Variants in THEMIS observed in about 807,000 individuals in gnomAD.
THEMIS encodes protein THEMIS.
THEMIS carries 37 observed loss-of-function variants against 52.6 expected under a neutral mutation model. The observed-to-expected ratio is 0.70, with a 90% CI of 0.54 to 0.93. The LOEUF is 0.93. THEMIS is among the 40% of genes least tolerant of loss of function. THEMIS has a pLI of 0.00. For missense variants in THEMIS, 808 were observed against 763.1 expected (o/e 1.06, Z -0.69); for synonymous variants, 292 against 272.7 (o/e 1.07, Z -0.70).
upstream of THEMIS, among the ~76,000 whole-genome samples, chr6:127,903,877 A>G (rs529092092): frequency 6.6e-6 from 1 of 152,184 alleles, no homozygotes; most frequent in South Asian, 2.1e-4. Context: ...TTTCTACCAA[A>G]GGCACCTAGA....
intron 4 of THEMIS, among the ~76,000 whole-genome samples, chr6:127,737,393 C>T (rs1562224943): frequency 6.6e-6 from 1 of 152,156 alleles, no homozygotes; most frequent in Non-Finnish European, 1.5e-5. Context: ...GGCACCTTTT[C>T]TTGATGCTCA....
In THEMIS at chr6:127,813,694, G is replaced by A. The variant is rs761759654; in HGVS notation, c.947C>T (p.Ser316Leu). ...TIVIHKKYQA[S>L]RILASEIRSN... is the part of the protein sequence containing the mutation. The stretch of plus-strand genomic sequence containing the variant: ...TCTAATTTCTGAAGCTAAGATTCTT[G>A]ATGCCTGGTACTTTTTGTGGATCAC... The change falls in exon 4 of 6, where the codon TCA becomes TTA. Residue 316 changes from serine to leucine, a missense_variant. Physicochemically the swap from Ser to Leu is moderately radical, Grantham distance 145. Transcript: ENST00000368248. 3 of 1,614,122 alleles carry A rather than the reference G, an allele frequency of 1.9e-6. No homozygotes were observed. The Admixed American group carries it at 5.0e-5, about 27-fold the overall frequency.
chr6:127,916,106 A>G (rs1001864315), intron 1 of THEMIS, among the ~76,000 whole-genome samples: 9 of 152,054 alleles, frequency 5.9e-5, no homozygotes, highest in African/African-American at 1.9e-4. Context: ...AATTAACCCT[A>G]TATTTGTTTA....
intron 3 of THEMIS, among the ~76,000 whole-genome samples, chr6:127,821,213 C>G (rs1034148400): frequency 2.0e-4 from 31 of 151,548 alleles, no homozygotes; most frequent in African/African-American, 6.5e-4. Flanking sequence ...TTTAAACAAG[C>G]ATTTGTTATT....
At chr6:127,864,886 A>C (rs1000507412) in intron 1 of THEMIS, among the ~76,000 whole-genome samples, 2 of 152,326 alleles carry the variant, frequency 1.3e-5, no homozygotes, top group South Asian at 2.1e-4. Context: ...GAAACAATAC[A>C]GATTAAAATG....
At position 127,813,295 on chromosome 6, in the gene THEMIS, A is replaced by G. The variant is rs762514682; in HGVS notation, c.1346T>C (p.Leu449Pro). The change falls in exon 4 of 6, where the codon CTC (leucine) becomes CCC (proline). Residue 449 changes from leucine (L) to proline (P), a missense_variant. Leu to Pro is a moderately conservative substitution (Grantham distance 98, BLOSUM62 -3). Coordinates refer to ENST00000368248, the MANE Select transcript of THEMIS (RefSeq NM_001010923.3). Reference sequence around the variant, plus strand: ...GAAGGGCAAACGGAACTGTTTACAGAGCTCAGAAATCGGGTACTGTTTCTT... The same window carrying G: ...GAAGGGCAAACGGAACTGTTTACAGGGCTCAGAAATCGGGTACTGTTTCTT... ...HDKKQYPISE[L>P]CKQFRLPFNV... 14 of 1,614,170 alleles carry G rather than the reference A, an allele frequency of 8.7e-6. No homozygotes were observed. Among genetic ancestry groups the G allele is most frequent in the East Asian group, 2.2e-5 (1 of 44,888 alleles).
At chr6:127,792,069 G>A (rs1279443465) in intron 4 of THEMIS, among the ~76,000 whole-genome samples, 2 of 152,242 alleles carry the variant, frequency 1.3e-5, no homozygotes, top group East Asian at 1.9e-4. Context: ...CTTGGAAGGG[G>A]GCATGGCTTC....
At chr6:127,890,246 AT>A (rs1194630392) in intron 1 of THEMIS, among the ~76,000 whole-genome samples, 4 of 152,190 alleles carry the variant, frequency 2.6e-5, no homozygotes, top group African/African-American at 9.6e-5. Context: ...TCACATGATA[AT>A]CAGCATTTTC....
intron 2 of THEMIS, among the ~76,000 whole-genome samples, chr6:127,842,463 C>G (rs1292457948): frequency 2.0e-5 from 3 of 151,938 alleles, no homozygotes; most frequent in Non-Finnish European, 4.4e-5. Context: ...TCTATTAATT[C>G]AATTTCTGTC....
intron 4 of THEMIS, among the ~76,000 whole-genome samples, chr6:127,730,429 GAGGC>G (rs1774747869): frequency 7.5e-6 from 1 of 133,992 alleles, no homozygotes; most frequent in Non-Finnish European, 1.6e-5. Flanking sequence ...GGGAGGGAGG[GAGGC>G]AGGAAGAGAA....
downstream of THEMIS, among the ~76,000 whole-genome samples, chr6:127,706,503 A>C (rs1417746022): frequency 2.6e-5 from 4 of 152,144 alleles, no homozygotes; most frequent in Non-Finnish European, 4.4e-5. Flanking sequence ...ACACATATTG[A>C]GTGCCAGATA....
intron 5 of THEMIS, among the ~76,000 whole-genome samples, chr6:127,713,775 A>G (rs1158188883): frequency 1.3e-5 from 2 of 151,826 alleles, no homozygotes; most frequent in African/African-American, 4.8e-5. Context: ...AGAAACAGCT[A>G]TGAGGCCAAC....
chr6:127,901,860 G>A (rs1302376812), upstream of THEMIS, among the ~76,000 whole-genome samples: 1 of 151,966 alleles, frequency 6.6e-6, no homozygotes, highest in African/African-American at 2.4e-5. Flanking sequence ...TCTTATTGTT[G>A]AAATTTAGGA....
chr6:127,848,244 G>T (rs891640023), intron 2 of THEMIS, among the ~76,000 whole-genome samples: 2 of 151,804 alleles, frequency 1.3e-5, no homozygotes, highest in African/African-American at 4.8e-5. Flanking sequence ...TCCCTACAAA[G>T]GACATGAACT....
chr6:127,722,445 C>T (rs998599160), intron 4 of THEMIS, among the ~76,000 whole-genome samples: 2 of 152,078 alleles, frequency 1.3e-5, no homozygotes, highest in South Asian at 4.2e-4. Context: ...CACTAACCCT[C>T]AATTCTCTCT....
At chr6:127,751,039 T>C (rs1433495278) in intron 4 of THEMIS, among the ~76,000 whole-genome samples, 1 of 151,700 alleles carries the variant, frequency 6.6e-6, no homozygotes. Flanking sequence ...AACTCACTGG[T>C]AAAGGTAAGG....
At chr6:127,889,023 A>G (rs1780726555) in intron 1 of THEMIS, among the ~76,000 whole-genome samples, 1 of 152,124 alleles carries the variant, frequency 6.6e-6, no homozygotes, top group African/African-American at 2.4e-5. Flanking sequence ...TCAAAATCTC[A>G]GAGATTAAAC....
At chr6:127,863,603 T>C (rs1336394931) in intron 1 of THEMIS, among the ~76,000 whole-genome samples, 1 of 152,138 alleles carries the variant, frequency 6.6e-6, no homozygotes, top group Non-Finnish European at 1.5e-5. Flanking sequence ...TTGGAGTGTA[T>C]TCAGGGCCAC....
intron 4 of THEMIS, among the ~76,000 whole-genome samples, chr6:127,735,431 C>A (rs539861591): frequency 6.6e-6 from 1 of 152,244 alleles, no homozygotes; most frequent in South Asian, 2.1e-4. Context: ...GGAGCAATGA[C>A]TTTCAGTGAA....
Sources: gnomAD v4.1 joint callset for allele counts (sites outside exome capture counted in the v4.1 genomes callset) on GRCh38, gnomAD v4.1.1 for gene constraint, MANE v1.5 for transcripts, NCBI Gene and HGNC (gene_info 2026-07-23, HGNC 2026-07-21) for gene names.